The following CDIN1 variants were observed in gnomAD, a reference collection of about 807,000 sequenced individuals.
The protein encoded by CDIN1 is CDAN1 interacting nuclease 1.
A neutral mutation model predicts 45.3 loss-of-function variants in CDIN1; 33 were observed. The ratio of observed to expected loss-of-function variants is 0.73; its 90% CI spans 0.55 to 0.97. CDIN1 has a LOEUF of 0.97. CDIN1 is among the 50% of genes least tolerant of loss of function. CDIN1 has a pLI of 0.00. For missense variants in CDIN1, 303 were observed against 339.4 expected, an observed-to-expected ratio of 0.89 and a Z score of 0.84; for synonymous variants, 118 against 124.4, an observed-to-expected ratio of 0.95 and a Z score of 0.34.
chr15:36,735,033 A>T (rs915939516), intron 10 of CDIN1, among the ~76,000 whole-genome samples: 5 of 152,180 alleles, frequency 3.3e-5, no homozygotes, highest in African/African-American at 1.2e-4. Flanking sequence ...TGAGTTTCTC[A>T]GTTTAAATTA....
chr15:36,598,927 A>G lies in CDIN1; in HGVS notation c.101+18966A>G, dbSNP rs115386553. Among the ~76,000 whole-genome samples, 882 of 152,250 alleles carry G rather than the reference A, an allele frequency of 5.8e-3. 17 individuals are homozygous for G. Among genetic ancestry groups the G allele is most frequent in the African/African-American group, 0.02 (822 of 41,532 alleles). On this transcript the variant is annotated intron_variant, in intron 1 of 10. Coordinates refer to ENST00000566621, the MANE Select transcript of CDIN1 (RefSeq NM_001321759.2). ...TTGCTTTCTATTTGAATTAATTGTG[A>G]GATCCTTTGGATGGGAGCTGTGTGC...
Position 36,709,967 on chromosome 15 carries a change from G to A in CDIN1, c.716+6G>A, listed in dbSNP as rs1237646318. ...TTCTGGAGCTACTGGAATAGGTAAG[G>A]TCTCATTATTTTTCTTTTAAGATAA... is the stretch of plus-strand genomic sequence containing the variant. On this transcript the variant is annotated splice_donor_region_variant and intron_variant, in intron 10 of 10. Coordinates refer to ENST00000566621, the MANE Select transcript of CDIN1 (RefSeq NM_001321759.2). 2 of 1,590,230 alleles carry A rather than the reference G, an allele frequency of 1.3e-6. No individual in the cohort carries two copies. The highest frequency in any genetic ancestry group is 2.3e-5 in the South Asian group (2 of 88,278).
chr15:36,675,561 G>GCATTGTGCTGC (rs916222245), intron 5 of CDIN1, among the ~76,000 whole-genome samples: 3 of 152,180 alleles, frequency 2.0e-5, no homozygotes, highest in African/African-American at 7.2e-5. Flanking sequence ...CTTTGGCACA[G>GCATTGTGCTGC]CATTGTGCTG....
intron 3 of CDIN1, among the ~76,000 whole-genome samples, chr15:36,649,020 AT>A (rs1425804607): frequency 2.0e-5 from 3 of 152,152 alleles, no homozygotes; most frequent in African/African-American, 7.2e-5. Flanking sequence ...TTGAGGTTGT[AT>A]TTATCTTTTC....
intron 1 of CDIN1, chr15:36,618,405 T>C (rs1176382099): frequency 1.4e-6 from 1 of 728,372 alleles, no homozygotes; most frequent in Non-Finnish European, 2.5e-6. Context: ...AAATGGGGAC[T>C]ATGGTAGGGG....
chr15:36,701,105 GA>G (rs1281584803), intron 8 of CDIN1, among the ~76,000 whole-genome samples: 255 of 88,106 alleles, frequency 2.9e-3, no homozygotes, highest in African/African-American at 0.011. Flanking sequence ...TAGGTAGATA[GA>G]TAGATAGATA....
chr15:36,681,723 G>C (rs1257168292), intron 5 of CDIN1, among the ~76,000 whole-genome samples: 1 of 152,164 alleles, frequency 6.6e-6, no homozygotes, highest in Non-Finnish European at 1.5e-5. Flanking sequence ...AGTAACGGTA[G>C]ATCCCGAGAG....
chr15:36,599,107 C>CT lies in CDIN1; in HGVS notation c.101+19161dup, dbSNP rs10709743. 2.2e-3 allele frequency among the ~76,000 whole-genome samples: 299 copies of CT among 133,878 alleles called. 2 individuals carry two copies. The highest frequency in any genetic ancestry group is 3.8e-3 in the Middle Eastern group (1 of 266). The allele number at this position is 133,878 out of a possible 152,430, so 87.8% of individuals were successfully genotyped here. ...AGACAGCGACTTTGAAGCATACTTG[C>CT]TTTTTTTTTTTTTTTGGGAGGGGAG... On this transcript the variant is annotated intron_variant, in intron 1 of 10. Coordinates refer to ENST00000566621, the MANE Select transcript of CDIN1 (RefSeq NM_001321759.2).
intron 9 of CDIN1, among the ~76,000 whole-genome samples, chr15:36,709,637 G>A (rs958008879): frequency 6.6e-6 from 1 of 152,132 alleles, no homozygotes; most frequent in Non-Finnish European, 1.5e-5. Flanking sequence ...AGGAAAGGGA[G>A]TTTTGAAGAA....
At chr15:36,605,428 G>A (rs1037718569) in intron 1 of CDIN1, among the ~76,000 whole-genome samples, 8 of 151,996 alleles carry the variant, frequency 5.3e-5, no homozygotes, top group African/African-American at 9.7e-5. Flanking sequence ...TTATGAAAAA[G>A]TTAGTTCTGT....
chr15:36,682,827 C>A (rs1272895209), intron 5 of CDIN1, among the ~76,000 whole-genome samples: 2 of 149,962 alleles, frequency 1.3e-5, no homozygotes, highest in Non-Finnish European at 3.0e-5. Flanking sequence ...TATCTGGGTA[C>A]CCCATCGCCC....
At chr15:36,704,175 G>A (rs1023373789) in intron 8 of CDIN1, 2 of 150,060 alleles carry the variant, frequency 1.3e-5, no homozygotes, top group African/African-American at 4.9e-5. Context: ...CACTGTCCCA[G>A]CTTCTTCACC....
At chr15:36,653,631 A>T (rs2040661798) in intron 3 of CDIN1, among the ~76,000 whole-genome samples, 1 of 152,112 alleles carries the variant, frequency 6.6e-6, no homozygotes, top group Non-Finnish European at 1.5e-5. Flanking sequence ...AGGTGTGCTG[A>T]CCCACTGATG....
rs1264716631 is a variant in CDIN1 at position 36,703,340 on chromosome 15, TCAG to T, written c.545-5882_545-5880del. On this transcript the variant is annotated intron_variant, in intron 8 of 10. Transcript: ENST00000566621. ...TATATACATATATCAGATAGATCTA[TCAG>T]ATATATACATATATCAGATAGATCT... 4.7e-4 allele frequency among the ~76,000 whole-genome samples: 46 copies of T among 96,942 alleles called. 1 individual carries two copies. Among genetic ancestry groups the T allele is most frequent in the Admixed American group, 7.0e-4 (7 of 10,060 alleles). The allele number at this position is 96,942 out of a possible 152,430, so 63.6% of individuals were successfully genotyped here.
At chr15:36,700,167 T>C (rs1224183833) in intron 8 of CDIN1, among the ~76,000 whole-genome samples, 3 of 152,194 alleles carry the variant, frequency 2.0e-5, no homozygotes, top group African/African-American at 7.2e-5. Context: ...CTTCCCTTCA[T>C]TATTTATTCA....
chr15:36,729,695 G>A (rs539842230), intron 10 of CDIN1, among the ~76,000 whole-genome samples: 2 of 152,250 alleles, frequency 1.3e-5, no homozygotes, highest in Admixed American at 1.3e-4. Flanking sequence ...GAGACTATGT[G>A]GGTTGTGGTG....
At chr15:36,758,247 C>T (rs1346916959) in intron 10 of CDIN1, among the ~76,000 whole-genome samples, 1 of 152,004 alleles carries the variant, frequency 6.6e-6, no homozygotes, top group African/African-American at 2.4e-5. Flanking sequence ...GGCCTCCCTC[C>T]CCTACACCCT....
At chr15:36,607,131 A>G (rs977915308) in intron 1 of CDIN1, among the ~76,000 whole-genome samples, 1 of 152,190 alleles carries the variant, frequency 6.6e-6, no homozygotes, top group Non-Finnish European at 1.5e-5. Context: ...ATCTGTGAAC[A>G]GTAGGTGTAA....
At chr15:36,773,530 T>G (rs1399137605) in intron 10 of CDIN1, among the ~76,000 whole-genome samples, 1 of 152,232 alleles carries the variant, frequency 6.6e-6, no homozygotes, top group Non-Finnish European at 1.5e-5. Context: ...ACAGGCTCTT[T>G]TCATTCTGAC....
Sources: gnomAD v4.1 joint callset for allele counts (sites outside exome capture counted in the v4.1 genomes callset) on GRCh38, gnomAD v4.1.1 for gene constraint, MANE v1.5 for transcripts, NCBI Gene and HGNC (gene_info 2026-07-23, HGNC 2026-07-21) for gene names.